NCAM2: variants seen among roughly 807,000 people sequenced by gnomAD.
The protein encoded by NCAM2 is neural cell adhesion molecule 2, also known as N-CAM-2.
A neutral mutation model predicts 98.1 loss-of-function variants in NCAM2; 30 were observed. The observed-to-expected ratio is 0.31, with a 90% CI of 0.23 to 0.41. NCAM2 has a LOEUF of 0.41. NCAM2 is among the 10% of genes least tolerant of loss of function. The probability of loss-of-function intolerance (pLI) is 1.00; values close to 1 mark genes in which losing one functional copy is unlikely to be tolerated. For synonymous variants in NCAM2, 368 were observed against 342.4 expected (o/e 1.07, Z -0.83); for missense variants, 867 against 1,005.8 (o/e 0.86, Z 1.87).
intron 10 of NCAM2, among the ~76,000 whole-genome samples, chr21:21,416,432 T>C (rs957473932): frequency 6.6e-6 from 1 of 151,746 alleles, no homozygotes; most frequent in Non-Finnish European, 1.5e-5. Context: ...TGGGCAACTG[T>C]TGTTGAAAAA....
chr21:21,280,714 G>A (rs2072899402), intron 2 of NCAM2, 62 bp downstream of exon 2: 2 of 1,096,150 alleles, frequency 1.8e-6, no homozygotes, highest in East Asian at 5.4e-5. Flanking sequence ...AATAAAATGT[G>A]TTGGCTAAAT....
At chr21:21,246,869 G>A (rs1465939577) in intron 1 of NCAM2, among the ~76,000 whole-genome samples, 2 of 152,136 alleles carry the variant, frequency 1.3e-5, no homozygotes, top group African/African-American at 4.8e-5. Context: ...GGAAGACTAA[G>A]GCAACATAGC....
At chr21:21,272,508 G>GCA (rs57818703) in intron 1 of NCAM2, among the ~76,000 whole-genome samples, 50 of 149,598 alleles carry the variant, frequency 3.3e-4, no homozygotes, top group African/African-American at 1.2e-3. Context: ...GCGCGCGCGC[G>GCA]CACACACACA....
chr21:21,481,064 GGTGA>G, intron 15 of NCAM2, among the ~76,000 whole-genome samples: 1 of 152,196 alleles, frequency 6.6e-6, no homozygotes, highest in African/African-American at 2.4e-5. Context: ...AGTGTTAACA[GGTGA>G]ATGGTATGTG....
chr21:21,444,283 C>T (rs755248026), intron 12 of NCAM2, among the ~76,000 whole-genome samples: 3 of 152,134 alleles, frequency 2.0e-5, no homozygotes, highest in East Asian at 1.9e-4. Context: ...GGGATATTGG[C>T]GTGAAGCTTT....
chr21:21,019,863 GT>G (rs1266879094), intron 1 of NCAM2, among the ~76,000 whole-genome samples: 1 of 152,062 alleles, frequency 6.6e-6, no homozygotes, highest in Non-Finnish European at 1.5e-5. Context: ...GCTTTATGGT[GT>G]CTAGATCCTT....
chr21:21,122,945 G>A (rs552681954), intron 1 of NCAM2, among the ~76,000 whole-genome samples: 1 of 152,288 alleles, frequency 6.6e-6, no homozygotes, highest in South Asian at 2.1e-4. Context: ...CAAGGTGATT[G>A]TCCCGAATGA....
intron 1 of NCAM2, among the ~76,000 whole-genome samples, chr21:21,126,236 T>TAAAAAAAAAAAAAAAAAA (rs778070776): frequency 1.0e-5 from 1 of 97,564 alleles, no homozygotes; most frequent in Admixed American, 1.4e-4. Context: ...TCATGGAACA[T>TAAAAAAAAAAAAAAAAAA]AAAAAAAAAA....
intron 12 of NCAM2, among the ~76,000 whole-genome samples, chr21:21,449,357 A>G (rs983012311): frequency 2.0e-5 from 3 of 151,830 alleles, no homozygotes; most frequent in Non-Finnish European, 4.4e-5. Context: ...AAGTATTCAT[A>G]GTGCCCAGAA....
chr21:21,137,682 G>A (rs959342899), intron 1 of NCAM2, among the ~76,000 whole-genome samples: 1 of 152,074 alleles, frequency 6.6e-6, no homozygotes, highest in Admixed American at 6.5e-5. Flanking sequence ...CGCTTGAACC[G>A]AGGAGGCAGA....
At chr21:21,269,384 A>T (rs945573921) in intron 1 of NCAM2, among the ~76,000 whole-genome samples, 6 of 152,194 alleles carry the variant, frequency 3.9e-5, no homozygotes, top group Non-Finnish European at 7.3e-5. Context: ...CACACTTCAT[A>T]GCAGTTCAAA....
chr21:21,435,144 C>T (rs1176008518), intron 12 of NCAM2, among the ~76,000 whole-genome samples: 1 of 152,198 alleles, frequency 6.6e-6, no homozygotes, highest in Non-Finnish European at 1.5e-5. Flanking sequence ...GTGTGAATGT[C>T]ACCCACTAAC....
At chr21:21,323,346 G>C (rs2147790711) in intron 5 of NCAM2, among the ~76,000 whole-genome samples, 1 of 152,190 alleles carries the variant, frequency 6.6e-6, no homozygotes, top group Middle Eastern at 3.4e-3. Flanking sequence ...GATTTATTGT[G>C]TTTAATTACT....
chr21:21,395,714 T>G (rs2076489675), intron 9 of NCAM2, among the ~76,000 whole-genome samples: 1 of 151,974 alleles, frequency 6.6e-6, no homozygotes, highest in Non-Finnish European at 1.5e-5. Flanking sequence ...AGCCAAATAC[T>G]TACAGCCAAC....
chr21:21,295,183 C>T (rs1313827934), intron 5 of NCAM2, among the ~76,000 whole-genome samples: 2 of 151,786 alleles, frequency 1.3e-5, no homozygotes, highest in Admixed American at 6.6e-5. Flanking sequence ...GGAGGACCTG[C>T]CCTTTATTCT....
chr21:21,347,427 CT>C (rs763058879), intron 8 of NCAM2, among the ~76,000 whole-genome samples: 66 of 151,890 alleles, frequency 4.3e-4, no homozygotes, highest in Non-Finnish European at 7.5e-4. Flanking sequence ...TACTACAGAG[CT>C]ATAGTAACCA....
chr21:21,364,239 T>C (rs2148007781), intron 8 of NCAM2, among the ~76,000 whole-genome samples: 1 of 152,080 alleles, frequency 6.6e-6, no homozygotes, highest in African/African-American at 2.4e-5. Context: ...GTATAAAATA[T>C]TTCCAATAAA....
intron 1 of NCAM2, among the ~76,000 whole-genome samples, chr21:21,098,631 A>G (rs924783072): frequency 4.6e-5 from 7 of 151,830 alleles, no homozygotes; most frequent in African/African-American, 1.7e-4. Context: ...GAGGCTCAAT[A>G]TATTAAGCAG....
chr21:21,265,190 ATG>A lies in NCAM2; in HGVS notation c.56-15382_56-15381del, dbSNP rs1375245798. On this transcript the variant is annotated intron_variant, in intron 1 of 17. Coordinates refer to ENST00000400546, the MANE Select transcript of NCAM2 (RefSeq NM_004540.5). Reference sequence around the variant, plus strand: ...TATATTATATATGTATATATAATATATGTGTGTATGTATGTGTGTATATAGTA... The same window carrying A: ...TATATTATATATGTATATATAATATATGTGTATGTATGTGTGTATATAGTA... Among the ~76,000 whole-genome samples the A allele has an allele frequency of 1.8e-3, 232 of 125,546 alleles. 2 individuals are homozygous for A. The highest frequency in any genetic ancestry group is 6.3e-3 in the African/African-American group (214 of 33,976). The allele number at this position is 125,546 out of a possible 152,430, so 82.4% of individuals were successfully genotyped here.
Sources: allele counts gnomAD v4.1 joint callset (sites outside exome capture counted in the v4.1 genomes callset), GRCh38; gene constraint gnomAD v4.1.1; transcripts MANE v1.5; gene names NCBI Gene and HGNC (gene_info 2026-07-23, HGNC 2026-07-21).